Variants in FAXC observed in about 807,000 individuals in gnomAD.
The protein encoded by FAXC is failed axon connections homolog, metaxin like GST domain containing.
In FAXC, 10 loss-of-function variants were observed where a neutral mutation model predicts 41.9. The ratio of observed to expected loss-of-function variants is 0.24; its 90% confidence interval spans 0.15 to 0.41. The LOEUF (loss-of-function observed/expected upper bound fraction) is 0.41. Among genes scored for constraint, FAXC ranks in the 10% least tolerant of loss-of-function variants. The pLI is 1.00. For synonymous variants in FAXC, 183 were observed against 183.8 expected, an observed-to-expected ratio of 1.00 and a Z score of 0.03; for missense variants, 399 against 510.9, an observed-to-expected ratio of 0.78 and a Z score of 2.11.
intron 4 of FAXC, among the ~76,000 whole-genome samples, chr6:99,318,306 C>CACACAAAAAAAAAAAA (rs147852055): frequency 7.4e-6 from 1 of 135,230 alleles, no homozygotes; most frequent in East Asian, 2.3e-4. Context: ...CACACACACA[C>CACACAAAAAAAAAAAA]AAAATAGAAG....
At chr6:99,329,027 G>A (rs1772931662) in intron 3 of FAXC, among the ~76,000 whole-genome samples, 1 of 152,204 alleles carries the variant, frequency 6.6e-6, no homozygotes, top group African/African-American at 2.4e-5. Context: ...AGAAGGGGCT[G>A]CCACTTTTCT....
intron 4 of FAXC, among the ~76,000 whole-genome samples, chr6:99,295,050 G>A (rs1045166823): frequency 1.3e-5 from 2 of 152,200 alleles, no homozygotes; most frequent in African/African-American, 4.8e-5. Context: ...GGAAGAGCAG[G>A]AGGGCTGAGC....
chr6:99,347,438 A>G (rs1582697430), intron 1 of FAXC, among the ~76,000 whole-genome samples: 1 of 151,608 alleles, frequency 6.6e-6, no homozygotes, highest in East Asian at 1.9e-4. Context: ...AAAAGTGTGA[A>G]TCAACCTAGG....
chr6:99,344,863 G>A (rs764331444), intron 1 of FAXC, among the ~76,000 whole-genome samples: 7 of 152,262 alleles, frequency 4.6e-5, no homozygotes, highest in Admixed American at 6.5e-5. Flanking sequence ...CAGCCAGAAC[G>A]ATCTAATTCT....
chr6:99,291,670 A>G, intron 5 of FAXC, 34 bp downstream of exon 5: 1 of 1,528,626 alleles, frequency 6.5e-7, no homozygotes, highest in Non-Finnish European at 9.1e-7. Flanking sequence ...AGCCCCAGTA[A>G]GCCCCAAAAC....
At chr6:99,334,287 T>C (rs1228770860) in intron 2 of FAXC, among the ~76,000 whole-genome samples, 1 of 152,112 alleles carries the variant, frequency 6.6e-6, no homozygotes, top group South Asian at 2.1e-4. Context: ...AGGCCTAACC[T>C]CAAAAAGGGT....
chr6:99,347,583 T>C (rs1773648260), intron 1 of FAXC, among the ~76,000 whole-genome samples: 1 of 152,042 alleles, frequency 6.6e-6, no homozygotes, highest in Non-Finnish European at 1.5e-5. Flanking sequence ...TACTCCGGAG[T>C]GGCAGCTGAG....
chr6:99,283,460 T>G (rs1207975479), intron 5 of FAXC, among the ~76,000 whole-genome samples: 1 of 152,242 alleles, frequency 6.6e-6, no homozygotes, highest in African/African-American at 2.4e-5. Flanking sequence ...CCCTGCTTCA[T>G]GGATCCCATG....
At position 99,281,114 on chromosome 6, in the gene FAXC, C is replaced by A. The variant is rs145534573; in HGVS notation, c.*50G>T. 8.6e-4 allele frequency: 754 copies of A among 878,070 alleles called. 4 individuals are homozygous for A. The African/African-American group carries it at 0.012, about 13-fold the overall frequency. The allele number at this position is 878,070 out of a possible 1,614,324, so 54.4% of individuals were successfully genotyped here. A position where few individuals can be genotyped will look rare whatever the true frequency, so the allele number is the denominator to read the frequency against. ...TGGATTGCTACCTGGGAAAATGGACCGACCCAGGGAGTGGCAGGTCCCAAG... is the reference window on the plus strand; with the variant it reads ...TGGATTGCTACCTGGGAAAATGGACAGACCCAGGGAGTGGCAGGTCCCAAG... On this transcript the variant is annotated 3_prime_UTR_variant, in exon 6 of 6. Transcript: ENST00000389677.
intron 4 of FAXC, among the ~76,000 whole-genome samples, chr6:99,315,164 C>T (rs947319344): frequency 7.6e-5 from 10 of 132,380 alleles, no homozygotes; most frequent in Admixed American, 3.5e-4. Flanking sequence ...ACTTGGGAGG[C>T]GGAGACTACA....
chr6:99,321,334 G>A (rs1772580647), intron 4 of FAXC, among the ~76,000 whole-genome samples: 1 of 152,124 alleles, frequency 6.6e-6, no homozygotes. Context: ...AAGTAATTTT[G>A]GATTTTGAGT....
At chr6:99,341,675 C>G (rs998240789) in intron 2 of FAXC, among the ~76,000 whole-genome samples, 3 of 152,118 alleles carry the variant, frequency 2.0e-5, no homozygotes, top group Admixed American at 6.5e-5. Flanking sequence ...AATATTTTAA[C>G]ATGCTCCTTT....
chr6:99,331,511 C>T (rs558311343), intron 3 of FAXC, among the ~76,000 whole-genome samples: 10 of 152,256 alleles, frequency 6.6e-5, no homozygotes, highest in Middle Eastern at 3.4e-3. Flanking sequence ...TGTACGCACA[C>T]ACAGAACAAA....
chr6:99,289,424 G>A (rs1162644916), intron 5 of FAXC, among the ~76,000 whole-genome samples: 1 of 152,140 alleles, frequency 6.6e-6, no homozygotes, highest in Non-Finnish European at 1.5e-5. Flanking sequence ...ACTGAGGTAG[G>A]AGGATCACTT....
intron 2 of FAXC, among the ~76,000 whole-genome samples, chr6:99,336,477 CT>C (rs1235787279): frequency 6.6e-6 from 1 of 152,190 alleles, no homozygotes; most frequent in Non-Finnish European, 1.5e-5. Flanking sequence ...CAATTAGACT[CT>C]GACTAATCCA....
chr6:99,301,472 A>C (rs1771703721), intron 4 of FAXC, among the ~76,000 whole-genome samples: 1 of 152,218 alleles, frequency 6.6e-6, no homozygotes, highest in Non-Finnish European at 1.5e-5. Flanking sequence ...TGTACCCACA[A>C]AAATTAAAAA....
chr6:99,333,143 G>T lies in FAXC; in HGVS notation c.599+208C>A, dbSNP rs150333047. On this transcript the variant is annotated intron_variant, in intron 3 of 5. Transcript: ENST00000389677. ...GCCAGCAAAGCCTAAAATATTTACT[G>T]GCTGGTCCTGTACAGAAATGGTTTG... 1.3e-3 allele frequency among the ~76,000 whole-genome samples: 195 copies of T among 152,290 alleles called. 3 individuals carry two copies. The highest frequency in any genetic ancestry group is 4.5e-3 in the African/African-American group (185 of 41,558).
chr6:99,321,132 C>T (rs1772573321), intron 4 of FAXC, among the ~76,000 whole-genome samples: 3 of 152,320 alleles, frequency 2.0e-5, no homozygotes, highest in South Asian at 2.1e-4. Flanking sequence ...CTCATCACCC[C>T]CTGGACTATA....
Position 99,295,108 on chromosome 6 carries a change from G to A in FAXC, c.824-3288C>T, listed in dbSNP as rs555067093. ...CTTTTGTCAGGAAGGAACACAGAAC[G>A]CAAAAGGGAAAAGAGAACAGAAATC... On this transcript the variant is annotated intron_variant, in intron 4 of 5. Coordinates refer to ENST00000389677, the MANE Select transcript of FAXC (RefSeq NM_032511.4). Among the ~76,000 whole-genome samples, 16 of 152,282 alleles carry A rather than the reference G, an allele frequency of 1.1e-4. No homozygotes were observed. The East Asian group carries it at 2.9e-3, about 28-fold the overall frequency.
Sources: gnomAD v4.1 joint callset for allele counts (sites outside exome capture counted in the v4.1 genomes callset) on GRCh38, gnomAD v4.1.1 for gene constraint, MANE v1.5 for transcripts, NCBI Gene and HGNC (gene_info 2026-07-23, HGNC 2026-07-21) for gene names.